Variants in PARD3 observed in about 807,000 individuals in gnomAD.
The protein encoded by PARD3 is partitioning defective 3 homolog.
In PARD3, 75 loss-of-function variants were observed where a neutral mutation model predicts 155.4. The ratio of observed to expected loss-of-function variants is 0.48; its 90% CI spans 0.40 to 0.58. The LOEUF (loss-of-function observed/expected upper bound fraction) is 0.58. Ranked by LOEUF, PARD3 falls within the 20% of genes least tolerant of loss-of-function variation. The pLI is 0.00. For synonymous variants in PARD3, 576 were observed against 610.5 expected (o/e 0.94, Z 0.83); for missense variants, 1,642 against 1,721.7 (o/e 0.95, Z 0.82).
chr10:34,458,447 C>G (rs1421169471), intron 4 of PARD3, among the ~76,000 whole-genome samples: 1 of 152,168 alleles, frequency 6.6e-6, no homozygotes, highest in African/African-American at 2.4e-5. Flanking sequence ...GAGAAATCCT[C>G]CCATCTTGGC....
At chr10:34,224,334 G>A (rs542604171) in intron 22 of PARD3, among the ~76,000 whole-genome samples, 2 of 152,316 alleles carry the variant, frequency 1.3e-5, no homozygotes, top group South Asian at 2.1e-4. Context: ...GTACATGGGG[G>A]AATTAGAGCA....
At chr10:34,150,160 AAT>A in intron 22 of PARD3, among the ~76,000 whole-genome samples, 1 of 152,236 alleles carries the variant, frequency 6.6e-6, no homozygotes, top group Non-Finnish European at 1.5e-5. Flanking sequence ...ATATGTGAAT[AAT>A]ATGAGATGAG....
At chr10:34,334,267 GAAAA>G (rs1001421446) in intron 18 of PARD3, among the ~76,000 whole-genome samples, 4 of 107,668 alleles carry the variant, frequency 3.7e-5, no homozygotes, top group Non-Finnish European at 7.3e-5. Context: ...CCTAAATATG[GAAAA>G]AAAAAGAGGG....
chr10:34,747,147 A>G (rs1042232394), intron 1 of PARD3, among the ~76,000 whole-genome samples: 1 of 152,228 alleles, frequency 6.6e-6, no homozygotes, highest in African/African-American at 2.4e-5. Context: ...AAATTTGTAC[A>G]TTGGAAATCA....
chr10:34,702,313 G>A (rs891610475), intron 1 of PARD3, among the ~76,000 whole-genome samples: 2 of 151,942 alleles, frequency 1.3e-5, no homozygotes, highest in Admixed American at 6.6e-5. Context: ...CCATGACTGC[G>A]TCACTGCATT....
intron 5 of PARD3, among the ~76,000 whole-genome samples, chr10:34,444,404 C>T (rs2076630167): frequency 6.6e-6 from 1 of 152,204 alleles, no homozygotes; most frequent in South Asian, 2.1e-4. Context: ...CAATATCAAA[C>T]TATATTCTAT....
At chr10:34,198,792 G>C (rs661515) in intron 22 of PARD3, among the ~76,000 whole-genome samples, 32,097 of 151,966 alleles carry the variant, frequency 0.21, 4,139 homozygotes, top group Non-Finnish European at 0.27. Context: ...CAGAGGGAAA[G>C]TCAAACAGTC....
intron 6 of PARD3, 80 bp downstream of exon 6, chr10:34,401,746 C>T: frequency 1.1e-6 from 1 of 893,274 alleles, no homozygotes; most frequent in South Asian, 1.3e-5. Context: ...TTCCTCATGC[C>T]ATATGCTTTC....
At chr10:34,198,355 G>A (rs1489139425) in intron 22 of PARD3, among the ~76,000 whole-genome samples, 1 of 151,984 alleles carries the variant, frequency 6.6e-6, no homozygotes. Context: ...CTCAGCAAAA[G>A]ACAGATTTAT....
chr10:34,308,353 G>T (rs536589927), intron 20 of PARD3, among the ~76,000 whole-genome samples: 4 of 152,348 alleles, frequency 2.6e-5, no homozygotes, highest in Admixed American at 2.6e-4. Flanking sequence ...AAGCCAGGAA[G>T]AGGGCACACA....
chr10:34,608,456 C>T (rs946395769), intron 2 of PARD3, among the ~76,000 whole-genome samples: 11 of 151,964 alleles, frequency 7.2e-5, no homozygotes, highest in African/African-American at 2.4e-4. Context: ...TCTCTGTATC[C>T]ATGCATTCTG....
intron 22 of PARD3, among the ~76,000 whole-genome samples, chr10:34,219,276 T>C (rs1161102989): frequency 2.0e-5 from 3 of 152,172 alleles, no homozygotes; most frequent in Non-Finnish European, 2.9e-5. Flanking sequence ...GTAGGAAATG[T>C]TGCAGAGAAT....
rs1349480794 is a variant in PARD3 at position 34,470,271 on chromosome 10, C to G, written c.404-8G>C. The G allele has an allele frequency of 6.4e-7, 1 of 1,562,318 alleles. No individual in the cohort carries two copies. The highest frequency in any genetic ancestry group is 1.9e-5 in the Admixed American group (1 of 53,330). ...GAACATGAAGAGGCATATCTGTAAA[C>G]ACAAAAGCACTATGCTGAAAAATAA... is the stretch of plus-strand genomic sequence containing the variant. On this transcript the variant is annotated splice_polypyrimidine_tract_variant and splice_region_variant and intron_variant, in intron 3 of 24. Coordinates refer to ENST00000374788, the MANE Select transcript of PARD3 (RefSeq NM_001184785.2).
chr10:34,670,397 T>G (rs1035867421), intron 2 of PARD3, among the ~76,000 whole-genome samples: 1 of 152,272 alleles, frequency 6.6e-6, no homozygotes, highest in Admixed American at 6.5e-5. Flanking sequence ...GGGCATATGC[T>G]CAAATGCCAC....
At chr10:34,231,366 T>TTA (rs1952922353) in intron 22 of PARD3, among the ~76,000 whole-genome samples, 1 of 147,190 alleles carries the variant, frequency 6.8e-6, no homozygotes, top group Non-Finnish European at 1.5e-5. Context: ...CTACTGGAAA[T>TTA]ATATTAGTTA....
chr10:34,452,973 T>A (rs1157300304), intron 4 of PARD3, among the ~76,000 whole-genome samples: 1 of 152,200 alleles, frequency 6.6e-6, no homozygotes, highest in African/African-American at 2.4e-5. Flanking sequence ...ACTTGTCTCT[T>A]ACCTGAAATT....
chr10:34,324,346 G>A (rs567846276), intron 19 of PARD3, among the ~76,000 whole-genome samples: 3 of 152,236 alleles, frequency 2.0e-5, no homozygotes, highest in South Asian at 2.1e-4. Flanking sequence ...AAAAAGTCTC[G>A]GATGCACTGT....
intron 14 of PARD3, among the ~76,000 whole-genome samples, chr10:34,358,939 T>C (rs76423462): frequency 0.067 from 10,261 of 152,018 alleles, 468 homozygotes; most frequent in Non-Finnish European, 0.096. Context: ...GCAATAGGAG[T>C]ATTAATGTCC....
At chr10:34,301,814 CTTTCTTTTT>C (rs140747067) in intron 20 of PARD3, among the ~76,000 whole-genome samples, 10,879 of 83,108 alleles carry the variant, frequency 0.13, 543 homozygotes, top group Admixed American at 0.2. Context: ...GTTCTTTCTC[CTTTCTTTTT>C]TTTTTTTTTT....
Sources: gnomAD v4.1 joint callset for allele counts (sites outside exome capture counted in the v4.1 genomes callset) on GRCh38, gnomAD v4.1.1 for gene constraint, MANE v1.5 for transcripts, NCBI Gene and HGNC (gene_info 2026-07-23, HGNC 2026-07-21) for gene names.